HSF5: variants seen among roughly 807,000 people sequenced by gnomAD.
HSF5 encodes heat shock factor protein 5.
A neutral mutation model predicts 50.8 loss-of-function variants in HSF5; 5 were observed. The ratio of observed to expected loss-of-function variants is 0.10; its 90% CI spans 0.05 to 0.21. The LOEUF is 0.21. HSF5 is among the 10% of genes least tolerant of loss of function. The pLI is 1.00. For missense variants in HSF5, 564 were observed against 762.6 expected (o/e 0.74, Z 3.07); for synonymous variants, 307 against 307.4 (o/e 1.00, Z 0.02).
rs115108134 is a variant in HSF5 at position 58,476,227 on chromosome 17, C to A, written c.925+3666G>T. On this transcript the variant is annotated intron_variant, in intron 2 of 5. Coordinates refer to ENST00000323777, the MANE Select transcript of HSF5 (RefSeq NM_001080439.3). Reference sequence around the variant, plus strand: ...TTCCTTCTAATCAATATCTTCTAATCCTTCCTTCTCTTCATCATCATCATC... The same window carrying A: ...TTCCTTCTAATCAATATCTTCTAATACTTCCTTCTCTTCATCATCATCATC... 1,481 of 902,534 alleles carry A rather than the reference C, an allele frequency of 1.6e-3. 13 individuals carry two copies. In the African/African-American group the frequency reaches 0.023, roughly 14 times the overall value. The allele number at this position is 902,534 out of a possible 1,614,324, so 55.9% of individuals were successfully genotyped here.
rs762216209 is a variant in HSF5 at position 58,462,920 on chromosome 17, C to G, written c.1404G>C (p.Gln468His). ...PEYIYTIHTA[Q>H]PVENSTIQES... is the part of the protein sequence containing the mutation. Reference sequence around the variant, plus strand: ...CCTGTATTGTGCTATTTTCAACAGGCTGAGCTGTGTGGATGGTATAGATGT... The same window carrying G: ...CCTGTATTGTGCTATTTTCAACAGGGTGAGCTGTGTGGATGGTATAGATGT... Residue 468 changes from glutamine to histidine, a missense_variant, in exon 4 of 6, where the codon CAG (glutamine) becomes CAC (histidine). Gln to His is a conservative substitution (Grantham distance 24). This residue lies in a region of HSF5 where 441 missense variants were observed against 533.6 expected (regional missense o/e 0.83). Transcript: ENST00000323777. 3 of 1,614,036 alleles carry G rather than the reference C, an allele frequency of 1.9e-6. No individual in the cohort carries two copies. The highest frequency in any genetic ancestry group is 1.7e-5 in the Admixed American group (1 of 59,984).
At chr17:58,446,784 T>C (rs1974567622) in intron 5 of HSF5, among the ~76,000 whole-genome samples, 1 of 148,328 alleles carries the variant, frequency 6.7e-6, no homozygotes, top group Non-Finnish European at 1.5e-5. Flanking sequence ...TGCCACGTCA[T>C]CCCTGTCCCA....
chr17:58,484,449 G>C (rs576793364), intron 1 of HSF5, among the ~76,000 whole-genome samples: 2 of 152,314 alleles, frequency 1.3e-5, no homozygotes, highest in South Asian at 4.1e-4. Flanking sequence ...AGGGTAAAAG[G>C]TCAGAGAAGA....
At position 58,420,369 on chromosome 17, in the gene HSF5, C is replaced by T. The variant is rs991967829; in HGVS notation, c.*1991G>A. 14 of 152,112 alleles carry T rather than the reference C, an allele frequency of 9.2e-5. No individual in the cohort carries two copies. The highest frequency in any genetic ancestry group is 2.2e-4 in the African/African-American group (9 of 41,400). 9.4% of individuals were successfully genotyped at this position (152,112 alleles called of 1,614,324 possible). ...ACAGCTTTAGTTGATAGATACAAGG[C>T]GTGTAAGGATAGCAGGAGATCCAGC... On this transcript the variant is annotated 3_prime_UTR_variant, in exon 6 of 6. Transcript: ENST00000323777.
chr17:58,436,957 TG>T (rs1488269514), intron 5 of HSF5, among the ~76,000 whole-genome samples: 2 of 152,168 alleles, frequency 1.3e-5, no homozygotes, highest in African/African-American at 4.8e-5. Context: ...GTAAAGTGAC[TG>T]GGGGCCTTTT....
At chr17:58,435,318 G>A (rs1207651104) in intron 5 of HSF5, among the ~76,000 whole-genome samples, 1 of 152,130 alleles carries the variant, frequency 6.6e-6, no homozygotes, top group Non-Finnish European at 1.5e-5. Flanking sequence ...GGAGGCCAAG[G>A]TGGGTAGATC....
At chr17:58,438,090 T>C (rs1974449947) in intron 5 of HSF5, among the ~76,000 whole-genome samples, 2 of 152,194 alleles carry the variant, frequency 1.3e-5, no homozygotes, top group African/African-American at 4.8e-5. Context: ...AGTTAAAGTT[T>C]TGCCAATCAA....
chr17:58,427,964 GCAGT>G (rs1466690604), intron 5 of HSF5, among the ~76,000 whole-genome samples: 2 of 152,212 alleles, frequency 1.3e-5, no homozygotes, highest in East Asian at 1.9e-4. Flanking sequence ...TAGCACGACA[GCAGT>G]CAAAGACAAC....
At chr17:58,470,771 C>G (rs1211083217) in intron 2 of HSF5, among the ~76,000 whole-genome samples, 1 of 152,050 alleles carries the variant, frequency 6.6e-6, no homozygotes, top group East Asian at 1.9e-4. Flanking sequence ...ACTAAAAATA[C>G]ATAAATTAGC....
chr17:58,437,144 G>T (rs1291757072), intron 5 of HSF5, among the ~76,000 whole-genome samples: 2 of 152,152 alleles, frequency 1.3e-5, no homozygotes, highest in African/African-American at 4.8e-5. Context: ...GATAAGAACA[G>T]CCCTGGGAGG....
intron 5 of HSF5, among the ~76,000 whole-genome samples, chr17:58,439,674 G>T (rs1210502785): frequency 6.6e-6 from 1 of 152,062 alleles, no homozygotes; most frequent in Non-Finnish European, 1.5e-5. Flanking sequence ...AGTAGAGACG[G>T]GGTTTCACCA....
rs1214042289 is a variant in HSF5, at chr17:58,425,293, G to A, written c.1721-2863C>T. ...CATGCCTGTAATCCCAGCTACTCGG[G>A]AGGCTGAGGCAGGAGAATCGGAAAA... On this transcript the variant is annotated intron_variant, in intron 5 of 5. Transcript: ENST00000323777. Among the ~76,000 whole-genome samples, 4 of 152,018 alleles carry A rather than the reference G, an allele frequency of 2.6e-5. No individual in the cohort carries two copies. In the East Asian group the frequency reaches 7.7e-4, roughly 29 times the overall value.
At chr17:58,481,556 C>T (rs540104892) in intron 1 of HSF5, among the ~76,000 whole-genome samples, 2 of 152,266 alleles carry the variant, frequency 1.3e-5, no homozygotes, top group African/African-American at 4.8e-5. Flanking sequence ...ATCTGTAAAA[C>T]GGAGGGAAAA....
chr17:58,429,942 G>A (rs1460010030), intron 5 of HSF5, among the ~76,000 whole-genome samples: 2 of 151,952 alleles, frequency 1.3e-5, no homozygotes, highest in African/African-American at 4.8e-5. Context: ...ACAAAAAGAA[G>A]GGGAAAGCAG....
intron 2 of HSF5, among the ~76,000 whole-genome samples, chr17:58,477,644 T>C (rs1267899433): frequency 1.3e-5 from 2 of 151,758 alleles, no homozygotes; most frequent in African/African-American, 4.8e-5. Context: ...GTATTTTTAG[T>C]AGAGACAGGG....
intron 2 of HSF5, among the ~76,000 whole-genome samples, chr17:58,479,290 C>G (rs952513249): frequency 6.6e-6 from 1 of 151,806 alleles, no homozygotes; most frequent in Non-Finnish European, 1.5e-5. Flanking sequence ...AAATAAGGTT[C>G]TGGGGTACTA....
chr17:58,422,646 G>A (rs983013393), intron 5 of HSF5, among the ~76,000 whole-genome samples: 1 of 150,750 alleles, frequency 6.6e-6, no homozygotes, highest in African/African-American at 2.4e-5. Context: ...AAATTTTAGT[G>A]TCCCTCCTTT....
chr17:58,469,955 T>A (rs1232060023), intron 2 of HSF5, among the ~76,000 whole-genome samples: 1 of 152,236 alleles, frequency 6.6e-6, no homozygotes. Context: ...ATATACTTTA[T>A]CCTATGGAAG....
intron 5 of HSF5, among the ~76,000 whole-genome samples, chr17:58,439,297 C>CCA (rs1567907485): frequency 6.4e-4 from 83 of 130,376 alleles, no homozygotes; most frequent in African/African-American, 1.9e-3. Flanking sequence ...CAACAACAAC[C>CCA]AAAAAAAAAA....
Sources: gnomAD v4.1 joint callset for allele counts (sites outside exome capture counted in the v4.1 genomes callset) on GRCh38, gnomAD v4.1.1 for gene constraint, gnomAD v4.1.1 regional missense constraint, MANE v1.5 for transcripts, NCBI Gene and HGNC (gene_info 2026-07-23, HGNC 2026-07-21) for gene names.